The following SH3RF3 variants were observed in gnomAD, a reference collection of about 807,000 sequenced individuals.
SH3RF3 encodes the protein SH3 domain containing ring finger 3, also known as E3 ubiquitin-protein ligase SH3RF3.
A neutral mutation model predicts 66.3 loss-of-function variants in SH3RF3; 29 were observed. The observed-to-expected ratio is 0.44, with a 90% CI of 0.33 to 0.60. SH3RF3 has a LOEUF of 0.60. Ranked by LOEUF, SH3RF3 falls within the 20% of genes least tolerant of loss-of-function variation. The pLI, the probability that SH3RF3 is intolerant of heterozygous loss-of-function variation, is 0.04. For missense variants in SH3RF3, 1,194 were observed against 1,190.9 expected (o/e 1.00, Z -0.04); for synonymous variants, 583 against 532.0 (o/e 1.10, Z -1.32).
At chr2:109,335,651 G>A (rs1273177746) in intron 1 of SH3RF3, among the ~76,000 whole-genome samples, 1 of 151,998 alleles carries the variant, frequency 6.6e-6, no homozygotes, top group African/African-American at 2.4e-5. Context: ...TTTTGTTGCT[G>A]TCCCCCTGGC....
intron 9 of SH3RF3, among the ~76,000 whole-genome samples, chr2:109,495,542 G>A (rs1363827792): frequency 8.3e-6 from 1 of 120,796 alleles, no homozygotes; most frequent in Non-Finnish European, 1.6e-5. Flanking sequence ...GCTGGAGTGT[G>A]CAGCGGTGCA....
chr2:109,432,765 G>A lies in SH3RF3; in HGVS notation c.1574+94G>A, dbSNP rs554133329. On this transcript the variant is annotated intron_variant, in intron 6 of 9. Coordinates refer to ENST00000309415, the MANE Select transcript of SH3RF3 (RefSeq NM_001099289.3). ...ACTGCTGGAGGCTACTCTGTCAGCC[G>A]GGCCCAGAAGGCAGCAAGGCCACCA... The A allele has an allele frequency of 1.5e-4, 220 of 1,458,958 alleles. 4 individuals are homozygous for A. In the South Asian group the frequency reaches 2.5e-3, roughly 16 times the overall value. The allele number at this position is 1,458,958 out of a possible 1,614,324, so 90.4% of individuals were successfully genotyped here. A position where few individuals can be genotyped will look rare whatever the true frequency, so the allele number is the denominator to read the frequency against.
chr2:109,290,386 T>C (rs996476350), intron 1 of SH3RF3, among the ~76,000 whole-genome samples: 3 of 152,362 alleles, frequency 2.0e-5, no homozygotes, highest in African/African-American at 7.2e-5. Context: ...GAATGTACCA[T>C]AAATACTCAA....
chr2:109,159,590 A>G (rs1677436824), intron 1 of SH3RF3, among the ~76,000 whole-genome samples: 1 of 152,224 alleles, frequency 6.6e-6, no homozygotes, highest in Non-Finnish European at 1.5e-5. Context: ...GGGGTACCCA[A>G]TCCCTGGGCC....
chr2:109,399,213 C>T lies in SH3RF3; in HGVS notation c.1299+270C>T, dbSNP rs199559860. Among the ~76,000 whole-genome samples the T allele has an allele frequency of 2.6e-5, 4 of 152,170 alleles. No individual in the cohort carries two copies. The East Asian group carries it at 5.8e-4, about 22-fold the overall frequency. ...CCAGGGAATGTCTGAGTAACACCCACCCGCCTCATGACAAGCTTTTCCCCG... is the reference window on the plus strand; with the variant it reads ...CCAGGGAATGTCTGAGTAACACCCATCCGCCTCATGACAAGCTTTTCCCCG... On this transcript the variant is annotated intron_variant, in intron 4 of 9. Transcript: ENST00000309415.
intron 3 of SH3RF3, among the ~76,000 whole-genome samples, chr2:109,392,807 G>A (rs556019087): frequency 9.9e-5 from 15 of 152,222 alleles, no homozygotes; most frequent in African/African-American, 2.6e-4. Flanking sequence ...CAGCCACCAC[G>A]CACGGCCCCC....
chr2:109,443,169 TATC>T (rs768496552), intron 7 of SH3RF3, among the ~76,000 whole-genome samples: 104 of 152,254 alleles, frequency 6.8e-4, no homozygotes, highest in Non-Finnish European at 1.3e-3. Flanking sequence ...TCACATAAAT[TATC>T]ATCTTATTCT....
intron 3 of SH3RF3, among the ~76,000 whole-genome samples, chr2:109,396,947 C>A (rs961663489): frequency 6.6e-6 from 1 of 152,228 alleles, no homozygotes; most frequent in Non-Finnish European, 1.5e-5. Context: ...GAATCCTGTA[C>A]GTCCTTCCTG....
intron 1 of SH3RF3, among the ~76,000 whole-genome samples, chr2:109,345,862 T>C (rs1459766819): frequency 1.3e-5 from 2 of 152,200 alleles, no homozygotes; most frequent in African/African-American, 4.8e-5. Flanking sequence ...TCCTGGGCAT[T>C]GCAGGGTGTT....
chr2:109,453,859 G>A (rs1677959879), intron 8 of SH3RF3, among the ~76,000 whole-genome samples: 1 of 152,196 alleles, frequency 6.6e-6, no homozygotes, highest in African/African-American at 2.4e-5. Context: ...GGCACAGATG[G>A]GAGGATCCTT....
intron 1 of SH3RF3, among the ~76,000 whole-genome samples, chr2:109,184,184 C>T (rs1360815780): frequency 2.6e-5 from 4 of 152,152 alleles, no homozygotes; most frequent in Non-Finnish European, 5.9e-5. Context: ...TGGGTAAATC[C>T]ATATCTCCTC....
At chr2:109,159,000 C>T (rs1319814357) in intron 1 of SH3RF3, among the ~76,000 whole-genome samples, 2 of 152,184 alleles carry the variant, frequency 1.3e-5, no homozygotes, top group Non-Finnish European at 2.9e-5. Context: ...GCCTGTAATC[C>T]CAGCTACTTG....
intron 1 of SH3RF3, among the ~76,000 whole-genome samples, chr2:109,288,964 T>C (rs1681101564): frequency 6.6e-6 from 1 of 152,184 alleles, no homozygotes; most frequent in Admixed American, 6.5e-5. Flanking sequence ...CAAATTTATT[T>C]GTGGGCTTAT....
intron 1 of SH3RF3, among the ~76,000 whole-genome samples, chr2:109,153,594 T>G (rs1194161474): frequency 5.3e-5 from 8 of 152,098 alleles, no homozygotes; most frequent in Non-Finnish European, 1.2e-4. Context: ...ACAGATGCCC[T>G]GTGTGTGTGG....
chr2:109,182,121 T>G (rs1678088053), intron 1 of SH3RF3, among the ~76,000 whole-genome samples: 1 of 152,242 alleles, frequency 6.6e-6, no homozygotes, highest in African/African-American at 2.4e-5. Context: ...GAGGTTTGTC[T>G]TACTTAGTTT....
intron 1 of SH3RF3, among the ~76,000 whole-genome samples, chr2:109,230,309 C>G (rs1382800189): frequency 6.6e-6 from 1 of 152,096 alleles, no homozygotes; most frequent in African/African-American, 2.4e-5. Flanking sequence ...GGCATAGTGC[C>G]TCACGCCTGT....
At position 109,430,228 on chromosome 2, in the gene SH3RF3, A is replaced by T. The variant is rs140034798; in HGVS notation, c.1404-2273A>T. On this transcript the variant is annotated intron_variant, in intron 5 of 9. Transcript: ENST00000309415. ...GAGCCAACCCGGCTGCGCATTCTGC[A>T]TGTGGCCACTGAAGCAAACTGTTTT... 2.7e-4 allele frequency among the ~76,000 whole-genome samples: 41 copies of T among 152,350 alleles called. 1 individual carries two copies. The East Asian group carries it at 7.5e-3, about 28-fold the overall frequency.
chr2:109,477,832 C>T (rs1678728688), intron 8 of SH3RF3, among the ~76,000 whole-genome samples: 1 of 152,188 alleles, frequency 6.6e-6, no homozygotes, highest in South Asian at 2.1e-4. Context: ...CTCCCAGAGA[C>T]CCCACCTCCT....
intron 1 of SH3RF3, among the ~76,000 whole-genome samples, chr2:109,277,475 G>A (rs1463059482): frequency 6.6e-6 from 1 of 152,196 alleles, no homozygotes; most frequent in Non-Finnish European, 1.5e-5. Flanking sequence ...TCCTACTTCT[G>A]CTAGGACATT....
Sources: allele counts gnomAD v4.1 joint callset (sites outside exome capture counted in the v4.1 genomes callset), GRCh38; gene constraint gnomAD v4.1.1; transcripts MANE v1.5; gene names NCBI Gene and HGNC (gene_info 2026-07-23, HGNC 2026-07-21).